The following PRKAG2 variants were observed in gnomAD, a reference collection of about 807,000 sequenced individuals.
The protein encoded by PRKAG2 is 5'-AMP-activated protein kinase subunit gamma-2.
In PRKAG2, 26 loss-of-function variants were observed where a neutral mutation model predicts 69.6. The ratio of observed to expected loss-of-function variants is 0.37; its 90% CI spans 0.27 to 0.52. The LOEUF is 0.52. Ranked by LOEUF, PRKAG2 falls within the 20% of genes least tolerant of loss-of-function variation. PRKAG2 has a pLI of 0.90. For synonymous variants in PRKAG2, 293 were observed against 285.0 expected, an observed-to-expected ratio of 1.03 and a Z score of -0.28; for missense variants, 557 against 740.0, an observed-to-expected ratio of 0.75 and a Z score of 2.87.
intron 1 of PRKAG2, among the ~76,000 whole-genome samples, chr7:151,843,128 A>G (rs1039367390): frequency 8.5e-5 from 13 of 152,090 alleles, no homozygotes; most frequent in Non-Finnish European, 1.9e-4. Context: ...CTGGGCATGA[A>G]TATATGTGTT....
chr7:151,723,350 T>C (rs997041149), intron 3 of PRKAG2, among the ~76,000 whole-genome samples: 1 of 152,180 alleles, frequency 6.6e-6, no homozygotes, highest in African/African-American at 2.4e-5. Context: ...AGCCTAAGAA[T>C]TGATTGAAGG....
intron 5 of PRKAG2, among the ~76,000 whole-genome samples, chr7:151,604,410 G>A (rs561728355): frequency 9.8e-5 from 15 of 152,336 alleles, no homozygotes; most frequent in Non-Finnish European, 1.8e-4. Flanking sequence ...GCCGAGGCAG[G>A]AGGAGCCCTG....
chr7:151,758,667 T>TG (rs1296301601), intron 3 of PRKAG2, among the ~76,000 whole-genome samples: 2 of 151,990 alleles, frequency 1.3e-5, no homozygotes, highest in Admixed American at 1.3e-4. Flanking sequence ...CTGATAGACC[T>TG]GGGGGGATGA....
chr7:151,863,903 CA>C (rs60123822), intron 1 of PRKAG2, among the ~76,000 whole-genome samples: 138,396 of 143,992 alleles, frequency 0.96, 66,588 homozygotes, highest in East Asian at 0.99. Flanking sequence ...AACCCTGTCT[CA>C]AAAAAAAAAA....
intron 3 of PRKAG2, among the ~76,000 whole-genome samples, chr7:151,713,870 C>G (rs1425136216): frequency 6.6e-6 from 1 of 152,166 alleles, no homozygotes. Context: ...GCCACTGCAC[C>G]TGACCCCCAG....
At chr7:151,775,191 G>T (rs1472773292) in intron 3 of PRKAG2, among the ~76,000 whole-genome samples, 1 of 152,230 alleles carries the variant, frequency 6.6e-6, no homozygotes, top group African/African-American at 2.4e-5. Context: ...ATTGCCAACT[G>T]GACCTCTTAT....
intron 1 of PRKAG2, among the ~76,000 whole-genome samples, chr7:151,869,652 G>A (rs549108134): frequency 6.6e-6 from 1 of 152,340 alleles, no homozygotes; most frequent in Non-Finnish European, 1.5e-5. Flanking sequence ...AAGTGATCAC[G>A]CATCACTGTC....
At chr7:151,607,655 T>C (rs1817828798) in intron 5 of PRKAG2, among the ~76,000 whole-genome samples, 1 of 152,208 alleles carries the variant, frequency 6.6e-6, no homozygotes. Flanking sequence ...CCTCATCTCC[T>C]ATCACATCCC....
At chr7:151,862,094 G>T (rs930423143) in intron 1 of PRKAG2, among the ~76,000 whole-genome samples, 6 of 152,034 alleles carry the variant, frequency 3.9e-5, no homozygotes, top group African/African-American at 1.2e-4. Context: ...CTGGCATCTG[G>T]CCCCCGGGCT....
intron 1 of PRKAG2, among the ~76,000 whole-genome samples, chr7:151,813,271 C>A (rs1438393524): frequency 6.6e-6 from 1 of 152,140 alleles, no homozygotes; most frequent in African/African-American, 2.4e-5. Flanking sequence ...ATCCGTAACG[C>A]CATCAACGCT....
chr7:151,805,252 C>T (rs778180658), intron 1 of PRKAG2, among the ~76,000 whole-genome samples: 1 of 152,152 alleles, frequency 6.6e-6, no homozygotes, highest in Non-Finnish European at 1.5e-5. Context: ...GAATCTGCAC[C>T]AAGACCACCA....
In PRKAG2 at chr7:151,781,057, C is replaced by G; in HGVS notation, c.466+95G>C. On this transcript the variant is annotated intron_variant, in intron 3 of 15. Transcript: ENST00000287878. The surrounding 1 kb of genome is among the most constrained non-coding windows in gnomAD (Gnocchi z 6.1). Reference sequence around the variant, plus strand: ...CACTCAGCACCAAGCTGCTCACAGCCACCTGGCAGCTTCGGTGCCACCGTG... The same window carrying G: ...CACTCAGCACCAAGCTGCTCACAGCGACCTGGCAGCTTCGGTGCCACCGTG... 6.5e-7 allele frequency: 1 copy of G among 1,547,946 alleles called. No individual in the cohort carries two copies. The highest frequency in any genetic ancestry group is 8.9e-7 in the Non-Finnish European group (1 of 1,126,772).
At chr7:151,565,973 C>T (rs1806162355) in intron 11 of PRKAG2, 88 bp from the exon 12 acceptor site, 1 of 1,461,324 alleles carries the variant, frequency 6.8e-7, no homozygotes, top group Non-Finnish European at 9.6e-7. Flanking sequence ...AAAGTATGTC[C>T]AACAAATTAA....
At chr7:151,785,610 C>G (rs2076964766) in intron 2 of PRKAG2, among the ~76,000 whole-genome samples, 1 of 152,236 alleles carries the variant, frequency 6.6e-6, no homozygotes, top group African/African-American at 2.4e-5. Context: ...GCCTTCATCC[C>G]AGGCTAGCCG....
intron 4 of PRKAG2, among the ~76,000 whole-genome samples, chr7:151,634,523 C>T (rs533788460): frequency 1.5e-3 from 225 of 152,262 alleles, no homozygotes; most frequent in African/African-American, 5.0e-3. Context: ...AAAAGCTACA[C>T]AGTAGGAGAA....
chr7:151,655,497 G>C (rs963200526), intron 4 of PRKAG2, among the ~76,000 whole-genome samples: 7 of 152,152 alleles, frequency 4.6e-5, no homozygotes, highest in South Asian at 2.1e-4. Context: ...TTTAGCAATG[G>C]TAAGGAGTAT....
At chr7:151,855,394 A>ACCC (rs371792124) in intron 1 of PRKAG2, among the ~76,000 whole-genome samples, 4 of 7,022 alleles carry the variant, frequency 5.7e-4, no homozygotes, top group Non-Finnish European at 8.2e-4. Flanking sequence ...CACACACACC[A>ACCC]TCCACACACC....
At chr7:151,669,733 C>G (rs1563384392) in intron 4 of PRKAG2, among the ~76,000 whole-genome samples, 1 of 152,164 alleles carries the variant, frequency 6.6e-6, no homozygotes. Context: ...CACCTACACA[C>G]ACACCTGTGC....
At chr7:151,684,850 C>A (rs1834475786) in intron 3 of PRKAG2, among the ~76,000 whole-genome samples, 1 of 152,312 alleles carries the variant, frequency 6.6e-6, no homozygotes, top group East Asian at 1.9e-4. Flanking sequence ...ACAATGCACT[C>A]TGGAAGCTGT....
Sources: gnomAD v4.1 joint callset for allele counts (sites outside exome capture counted in the v4.1 genomes callset) on GRCh38, gnomAD v4.1.1 for gene constraint, Gnocchi (gnomAD v3.1) non-coding constraint, MANE v1.5 for transcripts, NCBI Gene and HGNC (gene_info 2026-07-23, HGNC 2026-07-21) for gene names.